The following DGKB variants were observed in gnomAD, a reference collection of about 807,000 sequenced individuals.
DGKB encodes the protein 90 kDa diacylglycerol kinase.
Under a neutral mutation model 114.3 loss-of-function variants are expected in DGKB, and 67 were observed. The ratio of observed to expected loss-of-function variants is 0.59; its 90% CI spans 0.48 to 0.72. The LOEUF (loss-of-function observed/expected upper bound fraction) is 0.72. Among genes scored for constraint, DGKB ranks in the 30% least tolerant of loss-of-function variants. DGKB has a pLI of 0.00. For synonymous variants in DGKB, 398 were observed against 323.1 expected (o/e 1.23, Z -2.49); for missense variants, 907 against 975.2 (o/e 0.93, Z 0.93).
chr7:14,177,554 CAAAAAAAAAAA>C (rs56019837), intron 24 of DGKB, among the ~76,000 whole-genome samples: 2 of 69,016 alleles, frequency 2.9e-5, no homozygotes, highest in Non-Finnish European at 5.3e-5. Flanking sequence ...AACTCCGTCT[CAAAAAAAAAAA>C]AAAAAAAAAA....
chr7:14,889,888 A>G (rs1285368622), intron 1 of DGKB, among the ~76,000 whole-genome samples: 4 of 151,580 alleles, frequency 2.6e-5, no homozygotes, highest in Non-Finnish European at 4.4e-5. Flanking sequence ...CAAAGTCAAA[A>G]TAAGTTTTTC....
chr7:14,404,383 T>G (rs1823610554), intron 21 of DGKB, among the ~76,000 whole-genome samples: 1 of 151,830 alleles, frequency 6.6e-6, no homozygotes, highest in Non-Finnish European at 1.5e-5. Flanking sequence ...TTTCCAACTC[T>G]CGTGGGAGTC....
chr7:14,824,185 A>G (rs1845338082), intron 2 of DGKB, among the ~76,000 whole-genome samples: 1 of 152,140 alleles, frequency 6.6e-6, no homozygotes, highest in Non-Finnish European at 1.5e-5. Context: ...CCCAGGACAC[A>G]TGGTAACTAC....
chr7:14,231,089 T>TTCTCTC (rs879667379), intron 23 of DGKB, among the ~76,000 whole-genome samples: 1 of 75,622 alleles, frequency 1.3e-5, no homozygotes, highest in Non-Finnish European at 2.6e-5. Flanking sequence ...TTCCCTTTCT[T>TTCTCTC]TCTTTCTTTC....
chr7:14,898,800 T>C (rs188375468), intron 1 of DGKB, among the ~76,000 whole-genome samples: 35 of 152,192 alleles, frequency 2.3e-4, no homozygotes, highest in African/African-American at 7.9e-4. Flanking sequence ...ATGGAGCGAG[T>C]CCATTTATTC....
intron 23 of DGKB, among the ~76,000 whole-genome samples, chr7:14,245,927 A>AAAAAAC (rs762066884): frequency 1.3e-5 from 2 of 152,210 alleles, no homozygotes; most frequent in East Asian, 1.9e-4. Flanking sequence ...ATCCTGTCTC[A>AAAAAAC]AAAAACAAAA....
At chr7:14,963,768 T>G (rs953196416) in intron 1 of DGKB, among the ~76,000 whole-genome samples, 57 of 152,110 alleles carry the variant, frequency 3.7e-4, no homozygotes, top group Non-Finnish European at 1.3e-4. Context: ...AGCTAACATT[T>G]CTTGAGATTT....
intron 2 of DGKB, among the ~76,000 whole-genome samples, chr7:14,831,317 A>G (rs1846380386): frequency 6.6e-6 from 1 of 152,026 alleles, no homozygotes; most frequent in African/African-American, 2.4e-5. Context: ...GCTAATATTT[A>G]TTGAAAGATA....
At chr7:14,694,336 T>A (rs981180112) in intron 8 of DGKB, 142 bp from the exon 9 acceptor site, 13 of 732,076 alleles carry the variant, frequency 1.8e-5, no homozygotes, top group African/African-American at 5.4e-5. Flanking sequence ...TTAATTCTAT[T>A]ACTGATGAAG....
At chr7:14,593,700 T>C (rs1802062042) in intron 17 of DGKB, among the ~76,000 whole-genome samples, 1 of 151,924 alleles carries the variant, frequency 6.6e-6, no homozygotes, top group Non-Finnish European at 1.5e-5. Flanking sequence ...ACAAAAATTA[T>C]GAGTGGTCAT....
At chr7:14,967,173 G>A (rs977123443) in intron 1 of DGKB, among the ~76,000 whole-genome samples, 6 of 151,906 alleles carry the variant, frequency 3.9e-5, no homozygotes, top group African/African-American at 9.7e-5. Flanking sequence ...CTTGAAAGAC[G>A]GAAAATTTTA....
intron 21 of DGKB, among the ~76,000 whole-genome samples, chr7:14,462,138 C>T (rs7791622): frequency 0.4 from 60,833 of 151,898 alleles, 12,427 homozygotes; most frequent in Admixed American, 0.49. Flanking sequence ...GACAAACCCA[C>T]AGCCAATATC....
At chr7:14,365,056 T>A (rs1188680268) in intron 21 of DGKB, among the ~76,000 whole-genome samples, 1 of 151,828 alleles carries the variant, frequency 6.6e-6, no homozygotes, top group Admixed American at 6.6e-5. Context: ...TATGATCACT[T>A]ATGGTTTTTT....
chr7:14,662,812 A>C (rs185587078), intron 13 of DGKB, among the ~76,000 whole-genome samples: 5 of 151,998 alleles, frequency 3.3e-5, no homozygotes, highest in African/African-American at 1.2e-4. Context: ...TATTAATTGT[A>C]ATTCTTCTTA....
intron 17 of DGKB, among the ~76,000 whole-genome samples, chr7:14,600,033 G>T (rs1332849741): frequency 6.6e-6 from 1 of 152,104 alleles, no homozygotes; most frequent in African/African-American, 2.4e-5. Context: ...TAAATGACAG[G>T]TATTTATTTC....
intron 17 of DGKB, among the ~76,000 whole-genome samples, chr7:14,589,341 G>A (rs1801298691): frequency 6.6e-6 from 1 of 151,864 alleles, no homozygotes; most frequent in Admixed American, 6.6e-5. Context: ...TACTAGCAAT[G>A]GTATTATTAG....
intron 1 of DGKB, among the ~76,000 whole-genome samples, chr7:14,893,248 T>G (rs1291393558): frequency 6.6e-6 from 1 of 151,328 alleles, no homozygotes; most frequent in Non-Finnish European, 1.5e-5. Context: ...TAATCACCAG[T>G]GATCTTCCAG....
intron 1 of DGKB, among the ~76,000 whole-genome samples, chr7:14,954,274 G>C (rs1786374045): frequency 6.6e-6 from 1 of 152,160 alleles, no homozygotes; most frequent in East Asian, 1.9e-4. Context: ...TGACCGTTAA[G>C]AACAGTCTCT....
intron 23 of DGKB, among the ~76,000 whole-genome samples, chr7:14,283,880 C>T (rs1422362044): frequency 4.6e-5 from 7 of 152,000 alleles, no homozygotes; most frequent in African/African-American, 9.7e-5. Flanking sequence ...GGATTAAAGA[C>T]TTAAACGTTA....
Sources: gnomAD v4.1 joint callset for allele counts (sites outside exome capture counted in the v4.1 genomes callset) on GRCh38, gnomAD v4.1.1 for gene constraint, MANE v1.5 for transcripts, NCBI Gene and HGNC (gene_info 2026-07-23, HGNC 2026-07-21) for gene names.